The following C3orf70 variants were observed in gnomAD, a reference collection of about 807,000 sequenced individuals.
C3orf70 encodes UPF0524 protein C3orf70.
A neutral mutation model predicts 20.7 loss-of-function variants in C3orf70; 15 were observed. The ratio of observed to expected loss-of-function variants is 0.72; its 90% CI spans 0.48 to 1.11. The LOEUF is 1.11. C3orf70 is among the 50% of genes most tolerant of loss of function. The pLI, the probability that C3orf70 is intolerant of heterozygous loss-of-function variation, is 0.00. For synonymous variants in C3orf70, 161 were observed against 125.7 expected, an observed-to-expected ratio of 1.28 and a Z score of -1.88; for missense variants, 332 against 317.6, an observed-to-expected ratio of 1.05 and a Z score of -0.34.
At position 185,083,165 on chromosome 3, in the gene C3orf70, A is replaced by G. The variant is rs1715384236; in HGVS notation, c.595T>C (p.Tyr199His). The G allele has an allele frequency of 6.2e-7, 1 of 1,613,964 alleles. No individual in the cohort carries two copies. The highest frequency in any genetic ancestry group is 8.5e-7 in the Non-Finnish European group (1 of 1,180,036). Reference sequence around the variant, plus strand: ...GTGTCCTCGTCACACGATTCCACATAGTGAGCCCCAATCGCATTGATCCCA... The same window carrying G: ...GTGTCCTCGTCACACGATTCCACATGGTGAGCCCCAATCGCATTGATCCCA... ...DSGINAIGAH[Y>H]VESCDEDTEE... The change falls in exon 2 of 2, where the codon TAT (tyrosine) becomes CAT (histidine). Residue 199 changes from tyrosine (Y) to histidine (H), a missense_variant. Physicochemically the swap from Tyr to His is moderately conservative, Grantham distance 83 (BLOSUM62 2). Coordinates refer to ENST00000335012, the MANE Select transcript of C3orf70 (RefSeq NM_001025266.3).
chr3:185,136,711 G>A (rs536600516), intron 1 of C3orf70, among the ~76,000 whole-genome samples: 3 of 149,210 alleles, frequency 2.0e-5, no homozygotes, highest in Non-Finnish European at 3.0e-5. Flanking sequence ...GCGACAGAGC[G>A]AAGACTCTGT....
intron 1 of C3orf70, among the ~76,000 whole-genome samples, chr3:185,135,955 CTA>C (rs1400426787): frequency 6.6e-6 from 1 of 151,922 alleles, no homozygotes. Context: ...CAGACATAAT[CTA>C]TAACTCATCA....
chr3:185,105,607 C>T (rs889089405), intron 1 of C3orf70, among the ~76,000 whole-genome samples: 7 of 152,208 alleles, frequency 4.6e-5, no homozygotes, highest in Non-Finnish European at 1.0e-4. Context: ...GCTCTGCAGG[C>T]TGTGAGACCC....
intron 1 of C3orf70, among the ~76,000 whole-genome samples, chr3:185,108,623 T>C (rs554874279): frequency 5.6e-4 from 85 of 152,370 alleles, no homozygotes; most frequent in Non-Finnish European, 1.0e-3. Flanking sequence ...CTAGACACTT[T>C]CACAATTTAA....
At chr3:185,144,061 TA>T (rs1026951698) in intron 1 of C3orf70, among the ~76,000 whole-genome samples, 13 of 151,540 alleles carry the variant, frequency 8.6e-5, no homozygotes, top group African/African-American at 2.9e-4. Context: ...ATGAGAATAA[TA>T]AAAAAAATCC....
chr3:185,145,113 G>A (rs1577336020), intron 1 of C3orf70, among the ~76,000 whole-genome samples: 4 of 152,170 alleles, frequency 2.6e-5, no homozygotes, highest in Non-Finnish European at 5.9e-5. Flanking sequence ...ACAACTTCTG[G>A]TTGCCGAAGG....
intron 1 of C3orf70, among the ~76,000 whole-genome samples, chr3:185,147,120 G>T (rs1261036994): frequency 6.6e-6 from 1 of 152,170 alleles, no homozygotes; most frequent in Non-Finnish European, 1.5e-5. Flanking sequence ...CTTTTGCTGT[G>T]ACAGTCTTTC....
intron 1 of C3orf70, among the ~76,000 whole-genome samples, chr3:185,089,372 C>G (rs1054853382): frequency 5.3e-5 from 8 of 152,218 alleles, no homozygotes; most frequent in African/African-American, 1.9e-4. Flanking sequence ...AGCTCGGGAC[C>G]TGTGTCCTTT....
At chr3:185,085,152 T>A (rs150920103) in intron 1 of C3orf70, among the ~76,000 whole-genome samples, 2 of 152,242 alleles carry the variant, frequency 1.3e-5, no homozygotes, top group African/African-American at 4.8e-5. Flanking sequence ...TTCATGAGCA[T>A]CTTTTTGCAG....
intron 1 of C3orf70, among the ~76,000 whole-genome samples, chr3:185,138,236 G>C (rs979976736): frequency 6.6e-6 from 1 of 151,860 alleles, no homozygotes; most frequent in Non-Finnish European, 1.5e-5. Flanking sequence ...CAAGAAAATT[G>C]AATTAGTAAT....
chr3:185,085,888 C>A (rs1326390437), intron 1 of C3orf70, among the ~76,000 whole-genome samples: 2 of 152,172 alleles, frequency 1.3e-5, no homozygotes, highest in Non-Finnish European at 2.9e-5. Flanking sequence ...CTTCTGTCCA[C>A]AGAGTGGTAA....
rs118019810 is a variant in C3orf70 at position 185,120,698 on chromosome 3, G to A, written c.196+31930C>T. Among the ~76,000 whole-genome samples, 356 of 148,422 alleles carry A rather than the reference G, an allele frequency of 2.4e-3. 12 individuals carry two copies. In the East Asian group the frequency reaches 0.066, roughly 27 times the overall value. On this transcript the variant is annotated intron_variant, in intron 1 of 1. Coordinates refer to ENST00000335012, the MANE Select transcript of C3orf70 (RefSeq NM_001025266.3). ...AATACCACCTCACTCCGGCATGAAC[G>A]GTCATAATCCAAAACTAAAAAAAAA...
At chr3:185,126,973 T>C (rs560807235) in intron 1 of C3orf70, among the ~76,000 whole-genome samples, 2 of 152,372 alleles carry the variant, frequency 1.3e-5, no homozygotes, top group African/African-American at 4.8e-5. Flanking sequence ...GGAGATTCTA[T>C]AGCTTTTTAA....
chr3:185,136,849 G>A (rs1007732620), intron 1 of C3orf70, among the ~76,000 whole-genome samples: 1 of 152,120 alleles, frequency 6.6e-6, no homozygotes, highest in Non-Finnish European at 1.5e-5. Context: ...GGTGGAGGTC[G>A]CAGTGAGCCG....
intron 1 of C3orf70, among the ~76,000 whole-genome samples, chr3:185,117,789 CAT>C (rs2108597997): frequency 6.6e-6 from 1 of 152,318 alleles, no homozygotes; most frequent in Admixed American, 6.5e-5. Flanking sequence ...CCTTCTCCCA[CAT>C]GTGCGCTACG....
intron 1 of C3orf70, among the ~76,000 whole-genome samples, chr3:185,139,182 G>T (rs1231270257): frequency 7.3e-6 from 1 of 136,296 alleles, no homozygotes; most frequent in Non-Finnish European, 1.7e-5. Flanking sequence ...GGAGGAGAAG[G>T]GGAGAGGGGG....
At chr3:185,103,213 CCAG>C (rs1715856668) in intron 1 of C3orf70, among the ~76,000 whole-genome samples, 1 of 152,132 alleles carries the variant, frequency 6.6e-6, no homozygotes, top group Non-Finnish European at 1.5e-5. Flanking sequence ...CCACTGCATA[CCAG>C]CCTGGGCCAC....
chr3:185,087,528 G>A (rs1344671166), intron 1 of C3orf70, among the ~76,000 whole-genome samples: 1 of 152,200 alleles, frequency 6.6e-6, no homozygotes, highest in Non-Finnish European at 1.5e-5. Context: ...GATGAACCTT[G>A]AGGACACTAT....
chr3:185,098,338 G>A (rs1715752429), intron 1 of C3orf70, among the ~76,000 whole-genome samples: 1 of 152,214 alleles, frequency 6.6e-6, no homozygotes, highest in African/African-American at 2.4e-5. Context: ...TACATTTAAT[G>A]TTGCTAATAA....
Sources: allele counts gnomAD v4.1 joint callset (sites outside exome capture counted in the v4.1 genomes callset), GRCh38; gene constraint gnomAD v4.1.1; transcripts MANE v1.5; gene names NCBI Gene and HGNC (gene_info 2026-07-23, HGNC 2026-07-21).